PDE10A: variants seen among roughly 807,000 people sequenced by gnomAD.
PDE10A encodes the protein phosphodiesterase 10A.
In PDE10A, 39 loss-of-function variants were observed where a neutral mutation model predicts 97.7. The ratio of observed to expected loss-of-function variants is 0.40; its 90% confidence interval spans 0.31 to 0.52. PDE10A has a LOEUF of 0.52. Ranked by LOEUF, PDE10A falls within the 20% of genes least tolerant of loss-of-function variation. The pLI, the probability that PDE10A is intolerant of heterozygous loss-of-function variation, is 0.56. For synonymous variants in PDE10A, 371 were observed against 376.8 expected (o/e 0.98, Z 0.18); for missense variants, 731 against 1,047.8 (o/e 0.70, Z 4.17).
intron 1 of PDE10A, among the ~76,000 whole-genome samples, chr6:165,747,103 A>C (rs1272908460): frequency 6.6e-6 from 1 of 152,228 alleles, no homozygotes; most frequent in African/African-American, 2.4e-5. Flanking sequence ...TTTATAACAA[A>C]AGTTTAAAGA....
chr6:165,778,580 G>A (rs1466889495), intron 1 of PDE10A, among the ~76,000 whole-genome samples: 2 of 152,198 alleles, frequency 1.3e-5, no homozygotes, highest in Admixed American at 1.3e-4. Flanking sequence ...TAAGAGTGGA[G>A]TTGCTGCCCC....
chr6:165,969,254 CTCT>C (rs1404120373), intron 1 of PDE10A, among the ~76,000 whole-genome samples: 11 of 152,126 alleles, frequency 7.2e-5, no homozygotes, highest in East Asian at 1.9e-4. Flanking sequence ...TTCAAACTTC[CTCT>C]TCTTCTTCCT....
At chr6:165,910,874 T>C (rs576577235) in intron 1 of PDE10A, 1 of 152,332 alleles carries the variant, frequency 6.6e-6, no homozygotes, top group Admixed American at 6.5e-5. Context: ...ATCTGATCAA[T>C]GCGGATCCTG....
intron 1 of PDE10A, among the ~76,000 whole-genome samples, chr6:165,789,812 T>A (rs1583092504): frequency 3.5e-5 from 1 of 28,604 alleles, no homozygotes; most frequent in African/African-American, 1.5e-4. Flanking sequence ...TCTCAGGCAC[T>A]TTTTTTTTGC....
At chr6:165,696,449 C>T (rs1252834087) in intron 1 of PDE10A, among the ~76,000 whole-genome samples, 2 of 152,156 alleles carry the variant, frequency 1.3e-5, no homozygotes, top group Admixed American at 6.5e-5. Context: ...ACACTACCTG[C>T]CCATTAGTTG....
chr6:165,731,299 T>A (rs982768771), intron 1 of PDE10A, among the ~76,000 whole-genome samples: 2 of 151,986 alleles, frequency 1.3e-5, no homozygotes, highest in Non-Finnish European at 2.9e-5. Context: ...AAGTGCCCTG[T>A]ATGGGGAAAG....
intron 1 of PDE10A, among the ~76,000 whole-genome samples, chr6:165,723,860 T>A (rs1013475228): frequency 8.6e-5 from 13 of 152,026 alleles, no homozygotes; most frequent in South Asian, 2.1e-4. Flanking sequence ...TTTTTTTTTT[T>A]AATTTTCCCT....
At chr6:165,901,717 A>G (rs375996981) in intron 1 of PDE10A, among the ~76,000 whole-genome samples, 1 of 151,984 alleles carries the variant, frequency 6.6e-6, no homozygotes, top group Non-Finnish European at 1.5e-5. Context: ...CAGGAGAATC[A>G]CTTGAACTTG....
chr6:165,851,770 G>T (rs1319510453), intron 1 of PDE10A, among the ~76,000 whole-genome samples: 3 of 152,070 alleles, frequency 2.0e-5, no homozygotes, highest in African/African-American at 4.8e-5. Context: ...GATGTATTCT[G>T]AAAGTGAGAA....
At chr6:165,523,521 G>C (rs796352906) in intron 2 of PDE10A, among the ~76,000 whole-genome samples, 6 of 152,198 alleles carry the variant, frequency 3.9e-5, no homozygotes, top group African/African-American at 1.4e-4. Flanking sequence ...AATGGAGAAA[G>C]GACTCCCTAT....
At chr6:165,895,332 C>T (rs1014777360) in intron 1 of PDE10A, among the ~76,000 whole-genome samples, 12 of 152,142 alleles carry the variant, frequency 7.9e-5, no homozygotes, top group African/African-American at 2.7e-4. Context: ...TACAGAGACA[C>T]AGATGCAGAG....
chr6:165,367,375 A>C, intron 18 of PDE10A, among the ~76,000 whole-genome samples: 1 of 152,212 alleles, frequency 6.6e-6, no homozygotes, highest in Middle Eastern at 3.4e-3. Context: ...AAATACACAA[A>C]CCATTACCAG....
At chr6:165,934,710 G>A (rs1279774591) in intron 1 of PDE10A, among the ~76,000 whole-genome samples, 1 of 152,152 alleles carries the variant, frequency 6.6e-6, no homozygotes, top group Non-Finnish European at 1.5e-5. Context: ...ATTTTCATCT[G>A]TGGCTTTTGT....
At chr6:165,806,039 TATTAA>T in intron 1 of PDE10A, among the ~76,000 whole-genome samples, 1 of 101,208 alleles carries the variant, frequency 9.9e-6, no homozygotes, top group Admixed American at 1.1e-4. Flanking sequence ...GTTGCTTGAT[TATTAA>T]AAAAAAAAAA....
intron 1 of PDE10A, among the ~76,000 whole-genome samples, chr6:165,681,620 G>C (rs1336116089): frequency 6.6e-6 from 1 of 152,126 alleles, no homozygotes; most frequent in African/African-American, 2.4e-5. Context: ...AAGCCATAAA[G>C]GAATCTACAA....
chr6:165,768,912 C>T (rs1041816581), intron 1 of PDE10A, among the ~76,000 whole-genome samples: 5 of 152,080 alleles, frequency 3.3e-5, no homozygotes, highest in African/African-American at 4.8e-5. Context: ...GAGCATCGAG[C>T]GCCGCAAAGT....
chr6:165,583,718 G>A (rs538024472), intron 1 of PDE10A, among the ~76,000 whole-genome samples: 45 of 152,226 alleles, frequency 3.0e-4, no homozygotes, highest in African/African-American at 9.9e-4. Flanking sequence ...GCAGCGCTGG[G>A]GCAATGTTCT....
intron 10 of PDE10A, among the ~76,000 whole-genome samples, chr6:165,419,385 A>C (rs1431972259): frequency 3.3e-5 from 5 of 152,214 alleles, no homozygotes; most frequent in African/African-American, 1.2e-4. Flanking sequence ...AATTTATATG[A>C]ATTGATTTGC....
At chr6:165,585,190 G>T (rs1785834583) in intron 1 of PDE10A, among the ~76,000 whole-genome samples, 1 of 152,132 alleles carries the variant, frequency 6.6e-6, no homozygotes, top group Non-Finnish European at 1.5e-5. Context: ...CACATTTTTG[G>T]TTGTAAGTAA....
Sources: allele counts gnomAD v4.1 joint callset (sites outside exome capture counted in the v4.1 genomes callset), GRCh38; gene constraint gnomAD v4.1.1; transcripts MANE v1.5; gene names NCBI Gene and HGNC (gene_info 2026-07-23, HGNC 2026-07-21).